WNT5A: variants seen among roughly 807,000 people sequenced by gnomAD.
WNT5A encodes Wnt family member 5A.
Under a neutral mutation model 42.1 loss-of-function variants are expected in WNT5A, and 9 were observed. That is an observed-to-expected ratio of 0.21 (90% confidence interval 0.13 to 0.37). The LOEUF (loss-of-function observed/expected upper bound fraction) is 0.37, where lower values mean the gene tolerates loss of function less well. Ranked by LOEUF, WNT5A falls within the 10% of genes least tolerant of loss-of-function variation. The pLI, the probability that WNT5A is intolerant of heterozygous loss-of-function variation, is 1.00. For missense variants in WNT5A, 426 were observed against 534.0 expected (o/e 0.80, Z 1.99); for synonymous variants, 210 against 210.0 (o/e 1.00, Z 0.00).
chr3:55,485,792 A>G (rs920639291), intron 1 of WNT5A, among the ~76,000 whole-genome samples: 2 of 152,140 alleles, frequency 1.3e-5, no homozygotes, highest in African/African-American at 4.8e-5. Context: ...GGGCCTCGAT[A>G]CCAGACAGGG....
chr3:55,471,078 G>C (rs560305474), intron 4 of WNT5A, among the ~76,000 whole-genome samples: 1 of 152,164 alleles, frequency 6.6e-6, no homozygotes, highest in African/African-American at 2.4e-5. Context: ...ATATCCAGCC[G>C]GTAAGTGCAG....
At chr3:55,485,638 G>T (rs1329319648) in intron 1 of WNT5A, among the ~76,000 whole-genome samples, 1 of 142,134 alleles carries the variant, frequency 7.0e-6, no homozygotes, top group Non-Finnish European at 1.5e-5. Flanking sequence ...AATCTGGCTG[G>T]TTCGGCAGTG....
chr3:55,467,402 A>G lies in WNT5A; in HGVS notation c.*2690T>C, dbSNP rs1227168359. On this transcript the variant is annotated 3_prime_UTR_variant, in exon 5 of 5. Coordinates refer to ENST00000264634, the MANE Select transcript of WNT5A (RefSeq NM_003392.7). ...TTTTGTAAGGAACATATATAGGAAA[A>G]GAGAATTCCCCTTTTGTTCCATTAC... is the stretch of plus-strand genomic sequence containing the variant. 1 of 151,812 alleles carries G rather than the reference A, an allele frequency of 6.6e-6. No individual in the cohort carries two copies. Among genetic ancestry groups the G allele is most frequent in the Non-Finnish European group, 1.5e-5 (1 of 67,892 alleles). The allele number at this position is 151,812 out of a possible 1,614,324, so 9.4% of individuals were successfully genotyped here.
At chr3:55,497,967 G>A in the WNT5A span, among the ~76,000 whole-genome samples, 1 of 152,140 alleles carries the variant, frequency 6.6e-6, no homozygotes, top group Non-Finnish European at 1.5e-5. Context: ...CATCTACAGA[G>A]GTTAAAATGA....
Position 55,479,526 on chromosome 3 carries a change from A to G in WNT5A, c.179T>C (p.Val60Ala), listed in dbSNP as rs763684509. The G allele has an allele frequency of 6.2e-7, 1 of 1,613,088 alleles. No individual in the cohort carries two copies. The highest frequency in any genetic ancestry group is 1.1e-5 in the South Asian group (1 of 90,894). Reference protein sequence around the residue: ...GMNNPVQMSEVYIIGAQPLCS... With the variant: ...GMNNPVQMSEAYIIGAQPLCS... The stretch of plus-strand genomic sequence containing the variant: ...GAGAGGCTGTGCTCCTATAATATAT[A>G]CTTCTGACATCTGAACAGGGTTATT... Residue 60 changes from valine to alanine, a missense_variant, in exon 3 of 5, where the codon GTA becomes GCA. By Grantham distance (64) the Val-to-Ala change is moderately conservative. Transcript: ENST00000264634.
intron 3 of WNT5A, among the ~76,000 whole-genome samples, chr3:55,475,247 AC>A (rs2051333438): frequency 6.6e-6 from 1 of 152,242 alleles, no homozygotes; most frequent in African/African-American, 2.4e-5. Context: ...AGACTTCCTT[AC>A]ACTTATTTTA....
At chr3:55,498,304 C>G in the WNT5A span, among the ~76,000 whole-genome samples, 2 of 152,148 alleles carry the variant, frequency 1.3e-5, no homozygotes, top group Non-Finnish European at 2.9e-5. Context: ...TTGGAAAACT[C>G]ATTAGATTAT....
the WNT5A span, among the ~76,000 whole-genome samples, chr3:55,496,144 C>T: frequency 9.2e-6 from 1 of 109,036 alleles, no homozygotes; most frequent in Non-Finnish European, 1.9e-5. Flanking sequence ...AATCCCAAGT[C>T]CTTTTAATTT....
intron 1 of WNT5A, chr3:55,481,407 G>T (rs1285638473): frequency 6.1e-6 from 6 of 985,130 alleles, no homozygotes; most frequent in Non-Finnish European, 7.2e-6. Context: ...GCGCGCTGCC[G>T]CCAGAGGCTG....
In WNT5A at chr3:55,469,885, G is replaced by C. The variant is rs2051212860; in HGVS notation, c.*207C>G. The C allele has an allele frequency of 1.9e-6, 1 of 516,428 alleles. No individual in the cohort carries two copies. The allele number at this position is 516,428 out of a possible 1,614,324, so 32.0% of individuals were successfully genotyped here. On this transcript the variant is annotated 3_prime_UTR_variant, in exon 5 of 5. Coordinates refer to ENST00000264634, the MANE Select transcript of WNT5A (RefSeq NM_003392.7). ...GATCCACAAAATAAATATTTTTCTT[G>C]GTTCCCACCCCCATTATTGCCAAAT...
the WNT5A span, among the ~76,000 whole-genome samples, chr3:55,504,389 T>C: frequency 5.3e-5 from 8 of 151,978 alleles, no homozygotes; most frequent in Non-Finnish European, 8.8e-5. Flanking sequence ...CTACATTTAT[T>C]CCATAGGCCT....
chr3:55,486,933 G>T, intron 1 of WNT5A, 47 bp downstream of exon 1: 2 of 1,486,560 alleles, frequency 1.3e-6, no homozygotes, highest in South Asian at 1.1e-5. Context: ...TCCAACAGGG[G>T]GTGGGGGGAA....
At chr3:55,484,965 C>T (rs2106990851) in intron 1 of WNT5A, among the ~76,000 whole-genome samples, 1 of 152,274 alleles carries the variant, frequency 6.6e-6, no homozygotes, top group South Asian at 2.1e-4. Flanking sequence ...GAGGCCAGAC[C>T]CGAGGCCTCC....
intron 1 of WNT5A, among the ~76,000 whole-genome samples, chr3:55,484,057 T>C (rs749145488): frequency 6.6e-6 from 1 of 152,062 alleles, no homozygotes; most frequent in Non-Finnish European, 1.5e-5. Flanking sequence ...TCTGCTAGAC[T>C]CTCTACGTTT....
At chr3:55,492,097 T>C (rs1158752166), upstream of WNT5A, among the ~76,000 whole-genome samples, 1 of 152,208 alleles carries the variant, frequency 6.6e-6, no homozygotes, top group African/African-American at 2.4e-5. Context: ...CCCTCCTAAC[T>C]TACTTATGTG....
Position 55,470,075 on chromosome 3 carries a change from G to C in WNT5A, c.*17C>G, listed in dbSNP as rs2051216988. ...AAGCGGGTCCTGGGAGCGGGGCTGA[G>C]TGCTGGGTGGCACCCACTACTTGCA... On this transcript the variant is annotated 3_prime_UTR_variant, in exon 5 of 5. Transcript: ENST00000264634. 6.2e-7 allele frequency: 1 copy of C among 1,613,838 alleles called. No homozygotes were observed. The highest frequency in any genetic ancestry group is 8.5e-7 in the Non-Finnish European group (1 of 1,179,864).
At chr3:55,498,392 A>T in the WNT5A span, among the ~76,000 whole-genome samples, 1 of 152,118 alleles carries the variant, frequency 6.6e-6, no homozygotes, top group African/African-American at 2.4e-5. Flanking sequence ...GCTCTCAAGG[A>T]CTCACAATAA....
upstream of WNT5A, among the ~76,000 whole-genome samples, chr3:55,492,748 A>G (rs899618994): frequency 6.6e-6 from 1 of 152,222 alleles, no homozygotes; most frequent in Non-Finnish European, 1.5e-5. Context: ...GCCAGATGCT[A>G]GCCCTGTCTA....
At position 55,469,068 on chromosome 3, in the gene WNT5A, G is replaced by T. The variant is rs1468353392; in HGVS notation, c.*1024C>A. The T allele has an allele frequency of 1.3e-5, 2 of 152,196 alleles. No homozygotes were observed. The highest frequency in any genetic ancestry group is 4.8e-5 in the African/African-American group (2 of 41,434). The allele number at this position is 152,196 out of a possible 1,614,324, so 9.4% of individuals were successfully genotyped here. ...GGAGGAATCAGAGAGGGCTCAGTGTGAAGAGGAAGGTGGATTTCACTGTTT... is the reference window on the plus strand; with the variant it reads ...GGAGGAATCAGAGAGGGCTCAGTGTTAAGAGGAAGGTGGATTTCACTGTTT... On this transcript the variant is annotated 3_prime_UTR_variant, in exon 5 of 5. Coordinates refer to ENST00000264634, the MANE Select transcript of WNT5A (RefSeq NM_003392.7).
Sources: allele counts gnomAD v4.1 joint callset (sites outside exome capture counted in the v4.1 genomes callset), GRCh38; gene constraint gnomAD v4.1.1; transcripts MANE v1.5; gene names NCBI Gene and HGNC (gene_info 2026-07-23, HGNC 2026-07-21).